VWA2: variants seen among roughly 807,000 people sequenced by gnomAD.
VWA2 encodes the protein von Willebrand factor A domain-containing protein 2.
In VWA2, 73 loss-of-function variants were observed where a neutral mutation model predicts 70.4. That is an observed-to-expected ratio of 1.04 (90% CI 0.86 to 1.26). The LOEUF (loss-of-function observed/expected upper bound fraction) is 1.26. Among genes scored for constraint, VWA2 ranks in the 50% most tolerant of loss-of-function variants. VWA2 has a pLI of 0.00. For synonymous variants in VWA2, 407 were observed against 423.3 expected (o/e 0.96, Z 0.47); for missense variants, 1,011 against 998.5 (o/e 1.01, Z -0.17).
chr10:114,248,960 G>T (rs769222011), intron 2 of VWA2, among the ~76,000 whole-genome samples, 195 bp downstream of exon 2: 1 of 152,054 alleles, frequency 6.6e-6, no homozygotes, highest in African/African-American at 2.4e-5. Flanking sequence ...TGGCCTCCCT[G>T]GGTCCCCCGG....
At position 114,278,867 on chromosome 10, in the gene VWA2, C is replaced by G. The variant is rs775843870; in HGVS notation, c.833+16C>G. ...CCTTCTACAGGTTTGTCTGCGCGGT[C>G]TGGGCTCGGCCTGGGTGGAGATGAA... On this transcript the variant is annotated intron_variant, in intron 8 of 13. Coordinates refer to ENST00000392982, the MANE Select transcript of VWA2 (RefSeq NM_001272046.2). The G allele has an allele frequency of 6.2e-7, 1 of 1,611,984 alleles. No homozygotes were observed. The highest frequency in any genetic ancestry group is 1.7e-5 in the Admixed American group (1 of 60,000).
At position 114,291,209 on chromosome 10, in the gene VWA2, C is replaced by A; in HGVS notation, c.2249-9C>A. On this transcript the variant is annotated splice_polypyrimidine_tract_variant and intron_variant, in intron 13 of 13. Transcript: ENST00000392982. ...CACTCCTGTCCTCAGACTTCACTTC[C>A]TTCCCCAGGATTCTTGAGACGCCCC... 1 of 1,550,532 alleles carries A rather than the reference C, an allele frequency of 6.4e-7. No homozygotes were observed. The highest frequency in any genetic ancestry group is 1.4e-5 in the African/African-American group (1 of 73,134).
Position 114,255,041 on chromosome 10 carries a change from C to T in VWA2, c.254C>T (p.Pro85Leu). Residue 85 changes from proline to leucine, a missense_variant, in exon 4 of 14, where the codon CCC (proline) becomes CTC (leucine). Pro to Leu is a moderately conservative substitution (Grantham distance 98). Transcript: ENST00000392982. ...ITVCDGLDIS[P>L]ERVRVGAFQF... ...GTCTGTGACGGTCTGGACATCAGCC[C>T]CGAGAGGGTGAGTGCAAGTCTTGTG... The T allele has an allele frequency of 6.2e-7, 1 of 1,611,908 alleles. No homozygotes were observed.
intron 2 of VWA2, among the ~76,000 whole-genome samples, chr10:114,250,152 T>C (rs1228087935): frequency 2.6e-5 from 4 of 152,184 alleles, no homozygotes; most frequent in Non-Finnish European, 5.9e-5. Context: ...AACACAGATA[T>C]GAGTTTTGTG....
At position 114,289,078 on chromosome 10, in the gene VWA2, G is replaced by T. The variant is rs568092737; in HGVS notation, c.1711G>T (p.Gly571Cys). ...FEVNPDVTQV[G>C]LVVYGSQVQT... ...GGTGAACCCTGACGTGACACAGGTC[G>T]GCCTGGTGGTGTATGGCAGCCAGGT... is the stretch of plus-strand genomic sequence containing the variant. The change falls in exon 12 of 14, where the codon GGC becomes TGC. Residue 571 changes from glycine (G) to cysteine (C), a missense_variant. Transcript: ENST00000392982. 1.2e-6 allele frequency: 2 copies of T among 1,614,174 alleles called. No homozygotes were observed. The highest frequency in any genetic ancestry group is 3.3e-5 in the Admixed American group (2 of 60,032).
At chr10:114,270,429 C>G (rs2037683157) in intron 5 of VWA2, among the ~76,000 whole-genome samples, 1 of 152,186 alleles carries the variant, frequency 6.6e-6, no homozygotes, top group Non-Finnish European at 1.5e-5. Flanking sequence ...CTGGCACATG[C>G]TAAATGCCCA....
intron 1 of VWA2, among the ~76,000 whole-genome samples, chr10:114,248,008 G>A (rs903435584): frequency 6.6e-6 from 1 of 151,792 alleles, no homozygotes; most frequent in Non-Finnish European, 1.5e-5. Context: ...TCGGGAGGCT[G>A]AGGCACAAAA....
chr10:114,280,293 G>C (rs1255672916), intron 8 of VWA2, among the ~76,000 whole-genome samples: 1 of 152,208 alleles, frequency 6.6e-6, no homozygotes, highest in African/African-American at 2.4e-5. Context: ...ATCAGCACCA[G>C]CATCTCAGAA....
In VWA2 at chr10:114,285,605, T is replaced by A. The variant is rs370969960; in HGVS notation, c.998-334T>A. 2.6e-3 allele frequency among the ~76,000 whole-genome samples: 402 copies of A among 152,316 alleles called. 1 individual carries two copies. Among genetic ancestry groups the A allele is most frequent in the African/African-American group, 7.0e-3 (290 of 41,574 alleles). Reference sequence around the variant, plus strand: ...GTGCAAAAGGCAAAGCAGTGAAGCCTGTAGAAGCAAACACAGGAGCATATA... The same window carrying A: ...GTGCAAAAGGCAAAGCAGTGAAGCCAGTAGAAGCAAACACAGGAGCATATA... On this transcript the variant is annotated intron_variant, in intron 10 of 13. Transcript: ENST00000392982.
intron 6 of VWA2, among the ~76,000 whole-genome samples, chr10:114,277,308 C>T (rs1035879505): frequency 6.6e-6 from 1 of 151,388 alleles, no homozygotes; most frequent in Non-Finnish European, 1.5e-5. Context: ...CTCAGCCTCC[C>T]AAGTAGCTGG....
chr10:114,266,903 T>TC (rs376494510), intron 5 of VWA2, among the ~76,000 whole-genome samples: 1 of 152,194 alleles, frequency 6.6e-6, no homozygotes, highest in Non-Finnish European at 1.5e-5. Flanking sequence ...TCCTTTTTTT[T>TC]CCCCCTTAAT....
At chr10:114,269,192 G>C (rs1359689724) in intron 5 of VWA2, among the ~76,000 whole-genome samples, 2 of 152,246 alleles carry the variant, frequency 1.3e-5, no homozygotes, top group Non-Finnish European at 2.9e-5. Context: ...CGTCAGGCCT[G>C]TGCAGTGGGC....
intron 3 of VWA2, among the ~76,000 whole-genome samples, chr10:114,254,684 T>C (rs535082330): frequency 5.4e-4 from 82 of 152,276 alleles, no homozygotes; most frequent in African/African-American, 1.9e-3. Flanking sequence ...TTGAACTAGG[T>C]TCTTCCATTA....
chr10:114,290,086 G>C, intron 12 of VWA2, 154 bp from the exon 13 acceptor site: 1 of 951,288 alleles, frequency 1.1e-6, no homozygotes, highest in South Asian at 1.8e-5. Context: ...TACTAACCTA[G>C]CCAAGTGGTA....
intron 11 of VWA2, among the ~76,000 whole-genome samples, chr10:114,288,305 G>T (rs574790481): frequency 6.6e-6 from 1 of 152,136 alleles, no homozygotes; most frequent in African/African-American, 2.4e-5. Flanking sequence ...CCACGCTGCC[G>T]ACATCATTTG....
At chr10:114,290,142 T>G in intron 12 of VWA2, 98 bp from the exon 13 acceptor site, 1 of 1,474,272 alleles carries the variant, frequency 6.8e-7, no homozygotes. Context: ...GACATGACTC[T>G]AGTAGCCTTG....
chr10:114,291,320 T>C lies in VWA2; in HGVS notation c.*83T>C, dbSNP rs576142912. 7.8e-5 allele frequency: 112 copies of C among 1,438,856 alleles called. No homozygotes were observed. The highest frequency in any genetic ancestry group is 1.0e-4 in the Non-Finnish European group (108 of 1,073,956). 89.1% of individuals were successfully genotyped at this position (1,438,856 alleles called of 1,614,324 possible). On this transcript the variant is annotated 3_prime_UTR_variant, in exon 14 of 14. Transcript: ENST00000392982. ...AAGGCCTGGGCACTGAAATGGTGCC[T>C]ACCTTCTGGAATGTCTGTGCCCCAG...
At chr10:114,244,432 T>C (rs1008856845) in intron 1 of VWA2, among the ~76,000 whole-genome samples, 2 of 152,168 alleles carry the variant, frequency 1.3e-5, no homozygotes, top group Non-Finnish European at 2.9e-5. Context: ...TGATTAGCTG[T>C]GTAAGCTGGG....
intron 13 of VWA2, 58 bp downstream of exon 13, chr10:114,290,423 A>G (rs2039461754): frequency 6.5e-7 from 1 of 1,539,388 alleles, no homozygotes; most frequent in Non-Finnish European, 8.8e-7. Flanking sequence ...GAGTCCTGCC[A>G]AGTCCCACAA....
Sources: gnomAD v4.1 joint callset for allele counts (sites outside exome capture counted in the v4.1 genomes callset) on GRCh38, gnomAD v4.1.1 for gene constraint, MANE v1.5 for transcripts, NCBI Gene and HGNC (gene_info 2026-07-23, HGNC 2026-07-21) for gene names.